IL6ST: variants seen among roughly 807,000 people sequenced by gnomAD.
The protein encoded by IL6ST is interleukin-6 receptor subunit beta.
Under a neutral mutation model 91.3 loss-of-function variants are expected in IL6ST, and 24 were observed. That is an observed-to-expected ratio of 0.26 (90% confidence interval 0.19 to 0.37). IL6ST has a LOEUF of 0.37. IL6ST is among the 10% of genes least tolerant of loss of function. The pLI is 1.00. For synonymous variants in IL6ST, 351 were observed against 373.6 expected, an observed-to-expected ratio of 0.94 and a Z score of 0.70; for missense variants, 914 against 1,078.5, an observed-to-expected ratio of 0.85 and a Z score of 2.14.
chr5:55,963,303 A>G (rs1156231416), intron 7 of IL6ST, 49 bp downstream of exon 7: 3 of 1,303,118 alleles, frequency 2.3e-6, no homozygotes, highest in Non-Finnish European at 2.1e-6. Context: ...TTTTAAGATT[A>G]GAGGGTTGAA....
chr5:55,953,139 C>T (rs530095957), intron 11 of IL6ST, among the ~76,000 whole-genome samples: 12 of 152,218 alleles, frequency 7.9e-5, no homozygotes, highest in African/African-American at 2.9e-4. Context: ...CTTATTTATA[C>T]AGTATATTAT....
chr5:55,960,127 G>A (rs894944384), intron 8 of IL6ST, among the ~76,000 whole-genome samples: 3 of 151,944 alleles, frequency 2.0e-5, no homozygotes, highest in Admixed American at 2.0e-4. Flanking sequence ...CTTGTGATCC[G>A]CCCACCTCGG....
At chr5:55,942,539 T>TTTGA (rs1750983264) in intron 16 of IL6ST, 131 bp downstream of exon 16, 1 of 527,754 alleles carries the variant, frequency 1.9e-6, no homozygotes, top group African/African-American at 1.9e-5. Context: ...TCATTTACTT[T>TTTGA]TTGATTCAGC....
rs1260828692 is a variant in IL6ST at position 55,979,809 on chromosome 5, TA to T, written c.-16+2914del. Among the ~76,000 whole-genome samples, 8 of 152,240 alleles carry T rather than the reference TA, an allele frequency of 5.3e-5. No individual in the cohort carries two copies. The East Asian group carries it at 1.5e-3, about 29-fold the overall frequency. On this transcript the variant is annotated intron_variant, in intron 2 of 16. Coordinates refer to ENST00000381298, the MANE Select transcript of IL6ST (RefSeq NM_002184.4). ...CTTTATTTTATCCTACAGATATGAATAAAACAACACATGTACAAAGTTATTC... is the reference window on the plus strand; with the variant it reads ...CTTTATTTTATCCTACAGATATGAATAAACAACACATGTACAAAGTTATTC...
At position 55,939,287 on chromosome 5, in the gene IL6ST, G is replaced by A. The variant is rs1356386406; in HGVS notation, c.*1795C>T. 9.6e-6 allele frequency: 2 copies of A among 207,954 alleles called. No homozygotes were observed. The highest frequency in any genetic ancestry group is 1.9e-4 in the South Asian group (1 of 5,306). 12.9% of individuals were successfully genotyped at this position (207,954 alleles called of 1,614,324 possible). ...GATTTTCCTCATCTACTTTGAATTC[G>A]TCATTCTATTAATCTACTTTTGCCT... On this transcript the variant is annotated 3_prime_UTR_variant, in exon 17 of 17. Transcript: ENST00000381298.
At position 55,994,552 on chromosome 5, in the gene IL6ST, G is replaced by A. The variant is rs535009721; in HGVS notation, c.-104+232C>T. On this transcript the variant is annotated intron_variant, in intron 1 of 16. Coordinates refer to ENST00000381298, the MANE Select transcript of IL6ST (RefSeq NM_002184.4). ...TAAGAGGGGTGCGTGCGTGCGCCTG[G>A]GTGAAGTTTGTACTCAGGGCTGCGA... 5.9e-5 allele frequency among the ~76,000 whole-genome samples: 9 copies of A among 152,014 alleles called. No individual in the cohort carries two copies. The East Asian group carries it at 1.8e-3, about 30-fold the overall frequency.
rs768817050 is a variant in IL6ST, at chr5:55,954,834, T to G, written c.1426A>C (p.Thr476Pro). ...CCTCTTAAATAGGTGCGATGCACGG[T>G]ACCATCTTCTTGTTGCCAGTCTGTG... is the stretch of plus-strand genomic sequence containing the variant. ...CITDWQQEDG[T>P]VHRTYLRGNL... The change falls in exon 11 of 17, where the codon ACC (threonine) becomes CCC (proline). Residue 476 changes from threonine (T) to proline (P), a missense_variant. By Grantham distance (38) the Thr-to-Pro change is conservative. Transcript: ENST00000381298. 6 of 1,612,178 alleles carry G rather than the reference T, an allele frequency of 3.7e-6. No individual in the cohort carries two copies. In the East Asian group the frequency reaches 1.3e-4, roughly 36 times the overall value.
At chr5:55,968,082 C>T (rs1752743279) in intron 5 of IL6ST, among the ~76,000 whole-genome samples, 194 bp downstream of exon 5, 1 of 152,306 alleles carries the variant, frequency 6.6e-6, no homozygotes, top group South Asian at 2.1e-4. Context: ...CAGGCATGGG[C>T]CGCCGCGCCT....
chr5:55,963,996 T>G (rs1165720823), intron 6 of IL6ST, 150 bp downstream of exon 6: 3 of 393,608 alleles, frequency 7.6e-6, no homozygotes, highest in Non-Finnish European at 8.8e-6. Context: ...TCTACATTAA[T>G]TAAAATCTAA....
chr5:55,991,856 T>G (rs535855902), intron 1 of IL6ST, among the ~76,000 whole-genome samples: 11 of 152,248 alleles, frequency 7.2e-5, no homozygotes, highest in African/African-American at 2.6e-4. Context: ...ACTCCAATAA[T>G]GCTGAAATTA....
At chr5:55,980,498 G>A (rs747477908) in intron 2 of IL6ST, among the ~76,000 whole-genome samples, 50 of 152,182 alleles carry the variant, frequency 3.3e-4, no homozygotes, top group African/African-American at 9.9e-4. Context: ...TGCAGTGAAC[G>A]GAGATGGCGC....
At chr5:55,958,496 A>G (rs911359686) in intron 8 of IL6ST, among the ~76,000 whole-genome samples, 9 of 152,176 alleles carry the variant, frequency 5.9e-5, no homozygotes, top group African/African-American at 2.2e-4. Context: ...TTATGAATAT[A>G]ATAACAAGAT....
At chr5:55,984,941 GC>G (rs967604613) in intron 1 of IL6ST, among the ~76,000 whole-genome samples, 64 of 152,300 alleles carry the variant, frequency 4.2e-4, no homozygotes, top group African/African-American at 1.5e-3. Flanking sequence ...GAGTGGAATG[GC>G]TAGGCCCTAC....
At chr5:55,964,495 T>C (rs1752525959) in intron 5 of IL6ST, among the ~76,000 whole-genome samples, 183 bp from the exon 6 acceptor site, 1 of 152,210 alleles carries the variant, frequency 6.6e-6, no homozygotes, top group Admixed American at 6.5e-5. Flanking sequence ...CTTTGATCTA[T>C]ATCTTAAAAC....
chr5:55,964,040 T>C (rs368279730), intron 6 of IL6ST, 106 bp downstream of exon 6: 12 of 506,986 alleles, frequency 2.4e-5, no homozygotes, highest in East Asian at 1.1e-4. Flanking sequence ...TTAATTAAAA[T>C]CTAAAAATCT....
intron 8 of IL6ST, among the ~76,000 whole-genome samples, chr5:55,958,874 G>A (rs1441114162): frequency 2.0e-5 from 3 of 151,096 alleles, no homozygotes; most frequent in South Asian, 2.1e-4. Flanking sequence ...GTACTGATAT[G>A]TTAATCATGA....
chr5:55,946,401 T>C (rs987881436), intron 15 of IL6ST, among the ~76,000 whole-genome samples: 3 of 152,244 alleles, frequency 2.0e-5, no homozygotes, highest in Non-Finnish European at 2.9e-5. Context: ...CAGTTTTGTA[T>C]GTGAATATTC....
chr5:55,941,687 T>G lies in IL6ST; in HGVS notation c.2152A>C (p.Lys718Gln). Residue 718 changes from lysine to glutamine, a missense_variant, in exon 17 of 17, where the codon AAA becomes CAA. Transcript: ENST00000381298. ...LKSLDLFKKEKINTEGHSSGI... is the reference protein window; with the variant it reads ...LKSLDLFKKEQINTEGHSSGI... Reference sequence around the variant, plus strand: ...CTGCTGTGTCCTTCAGTATTAATTTTTTCCTTTTTGAACAGGTCCAATGAT... The same window carrying G: ...CTGCTGTGTCCTTCAGTATTAATTTGTTCCTTTTTGAACAGGTCCAATGAT... 6.2e-7 allele frequency: 1 copy of G among 1,614,110 alleles called. No individual in the cohort carries two copies. Among genetic ancestry groups the G allele is most frequent in the Non-Finnish European group, 8.5e-7 (1 of 1,180,016 alleles).
At chr5:55,987,836 A>G (rs1438742546) in intron 1 of IL6ST, among the ~76,000 whole-genome samples, 2 of 152,204 alleles carry the variant, frequency 1.3e-5, no homozygotes, top group Admixed American at 1.3e-4. Context: ...AGGTACTACT[A>G]TAAGAAACCT....
Sources: allele counts gnomAD v4.1 joint callset (sites outside exome capture counted in the v4.1 genomes callset), GRCh38; gene constraint gnomAD v4.1.1; transcripts MANE v1.5; gene names NCBI Gene and HGNC (gene_info 2026-07-23, HGNC 2026-07-21).